Variants in RBM6 observed in about 807,000 individuals in gnomAD.
RBM6 encodes the protein RNA binding motif protein 6.
A neutral mutation model predicts 140.4 loss-of-function variants in RBM6; 23 were observed. The ratio of observed to expected loss-of-function variants is 0.16; its 90% CI spans 0.12 to 0.23. The LOEUF is 0.23. Ranked by LOEUF, RBM6 falls within the 10% of genes least tolerant of loss-of-function variation. The pLI is 1.00. For missense variants in RBM6, 1,139 were observed against 1,386.7 expected (o/e 0.82, Z 2.84); for synonymous variants, 439 against 475.6 (o/e 0.92, Z 1.00).
chr3:50,039,482 A>ACCCCCCCCCCCCCCCCCC (rs10546220), intron 6 of RBM6, among the ~76,000 whole-genome samples: 4 of 122,146 alleles, frequency 3.3e-5, no homozygotes, highest in Admixed American at 8.1e-5. Flanking sequence ...CAGGTGATCC[A>ACCCCCCCCCCCCCCCCCC]CCCCCCCCCC....
At chr3:50,000,875 G>A (rs2086295835) in intron 6 of RBM6, among the ~76,000 whole-genome samples, 1 of 152,084 alleles carries the variant, frequency 6.6e-6, no homozygotes, top group South Asian at 2.1e-4. Flanking sequence ...TCCTCTTATG[G>A]GTATGGAGAT....
intron 1 of RBM6, among the ~76,000 whole-genome samples, chr3:49,953,056 CTTCTT>C (rs2083807682): frequency 8.3e-6 from 1 of 120,948 alleles, no homozygotes. Context: ...CTTACCTTTT[CTTCTT>C]TTCTTTTTTT....
At chr3:50,004,735 T>C (rs560730415) in intron 6 of RBM6, among the ~76,000 whole-genome samples, 1 of 152,198 alleles carries the variant, frequency 6.6e-6, no homozygotes, top group African/African-American at 2.4e-5. Context: ...TCCTCTCACC[T>C]CAGCCTTCTG....
intron 6 of RBM6, among the ~76,000 whole-genome samples, chr3:50,002,974 G>A (rs1435640603): frequency 6.6e-6 from 1 of 151,944 alleles, no homozygotes; most frequent in Non-Finnish European, 1.5e-5. Context: ...AAATTAGCCA[G>A]GTGTGGTGGC....
rs555031835 is a variant in RBM6 at position 50,068,588 on chromosome 3, A to C, written c.2944-102A>C. 2.0e-3 allele frequency: 2,039 copies of C among 1,037,504 alleles called. 4 individuals carry two copies. The highest frequency in any genetic ancestry group is 2.4e-3 in the Non-Finnish European group (1,634 of 691,236). The allele number at this position is 1,037,504 out of a possible 1,614,324, so 64.3% of individuals were successfully genotyped here. On this transcript the variant is annotated intron_variant, in intron 17 of 20. Coordinates refer to ENST00000266022, the MANE Select transcript of RBM6 (RefSeq NM_005777.3). ...GATCATTTAGTAGATCTGATCAATC[A>C]AAAGAGCTACAATCCAAAAGCAACT...
chr3:49,961,307 A>AC (rs987001684), intron 1 of RBM6, among the ~76,000 whole-genome samples: 1 of 151,742 alleles, frequency 6.6e-6, no homozygotes, highest in Non-Finnish European at 1.5e-5. Flanking sequence ...CGAACTCCTG[A>AC]CCTCAGGTGA....
intron 6 of RBM6, among the ~76,000 whole-genome samples, chr3:50,037,202 C>G (rs1370137478): frequency 6.6e-6 from 1 of 152,042 alleles, no homozygotes; most frequent in East Asian, 1.9e-4. Context: ...GAGTTCAAGA[C>G]CAGCCGGGGC....
At position 50,022,813 on chromosome 3, in the gene RBM6, TG is replaced by T. The variant is rs562463294; in HGVS notation, c.1557+23305del. Among the ~76,000 whole-genome samples the T allele has an allele frequency of 4.1e-3, 629 of 152,122 alleles. 11 individuals are homozygous for T. The highest frequency in any genetic ancestry group is 3.6e-3 in the Non-Finnish European group (244 of 67,974). ...AATATATGTGGGATATAAGGGAGTT[TG>T]GGGGCTGGGCGCAGTGACTCACACC... On this transcript the variant is annotated intron_variant, in intron 6 of 20. Transcript: ENST00000266022.
At chr3:49,958,662 A>G (rs1351790790) in intron 1 of RBM6, among the ~76,000 whole-genome samples, 2 of 151,924 alleles carry the variant, frequency 1.3e-5, no homozygotes, top group East Asian at 3.9e-4. Flanking sequence ...GAGGCAGGAG[A>G]ATGGCATGAA....
chr3:49,983,003 C>T (rs574063648), intron 5 of RBM6, among the ~76,000 whole-genome samples: 4 of 151,986 alleles, frequency 2.6e-5, no homozygotes, highest in African/African-American at 4.8e-5. Flanking sequence ...TGAACCACCA[C>T]GCCTGGCCTA....
chr3:49,980,084 T>A (rs936421665), intron 5 of RBM6, among the ~76,000 whole-genome samples: 1 of 151,932 alleles, frequency 6.6e-6, no homozygotes, highest in African/African-American at 2.4e-5. Flanking sequence ...TACTGCAACC[T>A]CTGCCTCCTG....
chr3:50,000,189 C>T (rs1242188384), intron 6 of RBM6, among the ~76,000 whole-genome samples: 3 of 152,050 alleles, frequency 2.0e-5, no homozygotes, highest in African/African-American at 7.2e-5. Context: ...TTAATAGAAC[C>T]CTACCTGGTA....
intron 5 of RBM6, among the ~76,000 whole-genome samples, chr3:49,989,536 A>T (rs2085720222): frequency 6.6e-6 from 1 of 152,118 alleles, no homozygotes; most frequent in African/African-American, 2.4e-5. Flanking sequence ...GTGCCATTGC[A>T]CTCTAGCCTG....
chr3:49,968,252 C>G lies in RBM6; in HGVS notation c.827C>G (p.Ser276Cys). 1.9e-6 allele frequency: 3 copies of G among 1,613,980 alleles called. No homozygotes were observed. Among genetic ancestry groups the G allele is most frequent in the Non-Finnish European group, 2.5e-6 (3 of 1,180,006 alleles). The change falls in exon 3 of 21, where the codon TCT becomes TGT. Residue 276 changes from serine to cysteine, a missense_variant. Around this residue, in one of 9 missense-constraint regions of RBM6, gnomAD observed 566 missense variants for 612.7 expected, o/e 0.92. Transcript: ENST00000266022. Reference protein sequence around the residue: ...DQDFRGREMGSCMEFKDREMP... With the variant: ...DQDFRGREMGCCMEFKDREMP... ...GATTTTAGGGGCAGAGAGATGGGAT[C>G]TTGTATGGAATTTAAAGATAGGGAG...
At chr3:49,964,524 A>C (rs1314462045) in intron 2 of RBM6, among the ~76,000 whole-genome samples, 1 of 152,204 alleles carries the variant, frequency 6.6e-6, no homozygotes, top group Non-Finnish European at 1.5e-5. Context: ...ACTCATTTGC[A>C]GATTGTGTAT....
At chr3:49,988,444 T>G (rs898599768) in intron 5 of RBM6, among the ~76,000 whole-genome samples, 8 of 151,784 alleles carry the variant, frequency 5.3e-5, no homozygotes, top group Non-Finnish European at 7.4e-5. Flanking sequence ...GCGCCTGGCC[T>G]TCTTTTTTTT....
chr3:50,077,064 A>G lies in RBM6; in HGVS notation c.3303A>G (p.Arg1101=). 3 of 1,613,256 alleles carry G rather than the reference A, an allele frequency of 1.9e-6. No homozygotes were observed. The highest frequency in any genetic ancestry group is 2.2e-5 in the East Asian group (1 of 44,848). The change falls in exon 21 of 21, where the codon AGA becomes AGG. Residue 1101 remains arginine, a synonymous_variant. Transcript: ENST00000266022. ...GAGCCTCAGGAAGAACCAGCAAAAG[A>G]CAGTCCAACGAGACTTACCGAGATG... ...SVGASGRTSK[R]QSNETYRDAV...
intron 10 of RBM6, 74 bp downstream of exon 10, chr3:50,058,636 C>T (rs2089812407): frequency 8.2e-6 from 12 of 1,465,494 alleles, no homozygotes; most frequent in South Asian, 3.5e-5. Context: ...GACTGGGGGC[C>T]GGGCCTGGTG....
At chr3:50,048,649 G>C (rs1373976769) in intron 7 of RBM6, among the ~76,000 whole-genome samples, 1 of 152,154 alleles carries the variant, frequency 6.6e-6, no homozygotes, top group Non-Finnish European at 1.5e-5. Flanking sequence ...AGGAATTCTT[G>C]GTTGGAAAAG....
Sources: gnomAD v4.1 joint callset for allele counts (sites outside exome capture counted in the v4.1 genomes callset) on GRCh38, gnomAD v4.1.1 for gene constraint, gnomAD v4.1.1 regional missense constraint, MANE v1.5 for transcripts, NCBI Gene and HGNC (gene_info 2026-07-23, HGNC 2026-07-21) for gene names.